The following ARHGAP22 variants were observed in gnomAD, a reference collection of about 807,000 sequenced individuals.
ARHGAP22 encodes the protein Rho GTPase activating protein 22.
Under a neutral mutation model 59.1 loss-of-function variants are expected in ARHGAP22, and 48 were observed. The observed-to-expected ratio is 0.81, with a 90% CI of 0.64 to 1.03. The LOEUF (loss-of-function observed/expected upper bound fraction) is 1.03. Among genes scored for constraint, ARHGAP22 ranks in the 50% least tolerant of loss-of-function variants. The pLI is 0.00. For missense variants in ARHGAP22, 1,015 were observed against 958.7 expected, an observed-to-expected ratio of 1.06 and a Z score of -0.78; for synonymous variants, 445 against 416.4, an observed-to-expected ratio of 1.07 and a Z score of -0.84.
At chr10:48,594,660 A>T (rs1369417449) in intron 1 of ARHGAP22, among the ~76,000 whole-genome samples, 1 of 152,010 alleles carries the variant, frequency 6.6e-6, no homozygotes, top group South Asian at 2.1e-4. Context: ...GGGCTACTGG[A>T]GCCTGTTTTG....
At chr10:48,519,292 C>T (rs914166863) in intron 3 of ARHGAP22, among the ~76,000 whole-genome samples, 2 of 152,252 alleles carry the variant, frequency 1.3e-5, no homozygotes, top group African/African-American at 4.8e-5. Context: ...AACAGCATTC[C>T]TGCCCAGGTC....
chr10:48,602,435 G>A (rs141831112), intron 1 of ARHGAP22, among the ~76,000 whole-genome samples: 1 of 151,744 alleles, frequency 6.6e-6, no homozygotes. Context: ...AAATATATAC[G>A]AGTTAAAAAC....
intron 3 of ARHGAP22, among the ~76,000 whole-genome samples, chr10:48,502,871 C>T (rs113964194): frequency 3.3e-5 from 5 of 152,220 alleles, no homozygotes; most frequent in Non-Finnish European, 7.3e-5. Flanking sequence ...GGCCCGGTAG[C>T]GGAGACAGGC....
chr10:48,442,598 G>A (rs1039781183), downstream of ARHGAP22, among the ~76,000 whole-genome samples: 2 of 145,904 alleles, frequency 1.4e-5, no homozygotes, highest in Non-Finnish European at 3.0e-5. Flanking sequence ...TGCTGACCCC[G>A]AGGCTCCCCA....
intron 2 of ARHGAP22, among the ~76,000 whole-genome samples, chr10:48,571,181 G>A (rs1189348770): frequency 1.3e-5 from 2 of 152,072 alleles, no homozygotes; most frequent in Non-Finnish European, 2.9e-5. Context: ...CTAATAGTCT[G>A]GCCTCTACTT....
intron 9 of ARHGAP22, among the ~76,000 whole-genome samples, chr10:48,447,506 G>A (rs752839378): frequency 1.3e-5 from 2 of 152,130 alleles, no homozygotes; most frequent in African/African-American, 2.4e-5. Flanking sequence ...GAATAAACAC[G>A]GATTCCTCAA....
intron 3 of ARHGAP22, among the ~76,000 whole-genome samples, chr10:48,497,915 C>G (rs9663505): frequency 0.054 from 8,271 of 152,176 alleles, 776 homozygotes; most frequent in African/African-American, 0.19. Context: ...TCCCAGCAGG[C>G]CTGAAGAGAT....
intron 2 of ARHGAP22, among the ~76,000 whole-genome samples, chr10:48,571,967 GC>G (rs2058422294): frequency 6.6e-6 from 1 of 152,086 alleles, no homozygotes; most frequent in Non-Finnish European, 1.5e-5. Flanking sequence ...AAACTCTAAG[GC>G]CCCCACCTGA....
chr10:48,609,962 G>A (rs1043965722), upstream of ARHGAP22, among the ~76,000 whole-genome samples: 11 of 152,232 alleles, frequency 7.2e-5, no homozygotes, highest in African/African-American at 2.7e-4. Flanking sequence ...TGGTGGCCTT[G>A]CCCTGCTTGT....
intron 1 of ARHGAP22, among the ~76,000 whole-genome samples, chr10:48,593,582 AGAT>A (rs2059893704): frequency 6.6e-6 from 1 of 152,266 alleles, no homozygotes. Context: ...CTGACAGCTG[AGAT>A]GGCTACTAAG....
intron 3 of ARHGAP22, among the ~76,000 whole-genome samples, chr10:48,496,721 G>A (rs977188031): frequency 6.6e-6 from 1 of 152,188 alleles, no homozygotes; most frequent in African/African-American, 2.4e-5. Context: ...AGGTAAGGAA[G>A]TCTGTACTGC....
chr10:48,645,083 T>C (rs1263682453), intron 1 of ARHGAP22, among the ~76,000 whole-genome samples: 1 of 151,994 alleles, frequency 6.6e-6, no homozygotes, highest in Non-Finnish European at 1.5e-5. Flanking sequence ...TAATATCAAC[T>C]CAACTGAAAT....
chr10:48,603,454 TTAA>T (rs141769062), intron 1 of ARHGAP22, among the ~76,000 whole-genome samples: 3,489 of 152,362 alleles, frequency 0.023, 117 homozygotes, highest in East Asian at 0.14. Flanking sequence ...AAAATAATTA[TTAA>T]TGAGATATTG....
At chr10:48,530,064 G>A (rs1413683721) in intron 3 of ARHGAP22, among the ~76,000 whole-genome samples, 3 of 151,758 alleles carry the variant, frequency 2.0e-5, no homozygotes, top group African/African-American at 7.3e-5. Context: ...TGGTGAAACC[G>A]CATCTCTACT....
intron 3 of ARHGAP22, among the ~76,000 whole-genome samples, chr10:48,546,190 C>T (rs1276745632): frequency 2.6e-5 from 4 of 152,212 alleles, no homozygotes; most frequent in Admixed American, 6.5e-5. Context: ...CCCGCTACTC[C>T]TGTGGCAGTG....
At chr10:48,461,265 G>T (rs956151468) in intron 4 of ARHGAP22, among the ~76,000 whole-genome samples, 1 of 152,140 alleles carries the variant, frequency 6.6e-6, no homozygotes, top group African/African-American at 2.4e-5. Flanking sequence ...CAGGTCAAAC[G>T]CATCTGTGCT....
intron 1 of ARHGAP22, among the ~76,000 whole-genome samples, chr10:48,599,232 G>A (rs970214492): frequency 4.6e-5 from 7 of 152,186 alleles, no homozygotes; most frequent in African/African-American, 1.7e-4. Context: ...ACCATGGACC[G>A]AGAAATGTTG....
rs911531553 is a variant in ARHGAP22 at position 48,525,498 on chromosome 10, G to A, written c.322+29965C>T. ...TGAGGCATGATAATCACTTGAACTC[G>A]GGAGACAGAGGTTGCAGTGAGCCGA... On this transcript the variant is annotated intron_variant, in intron 3 of 9. Transcript: ENST00000249601. Among the ~76,000 whole-genome samples, 4 of 152,326 alleles carry A rather than the reference G, an allele frequency of 2.6e-5. No homozygotes were observed. The South Asian group carries it at 8.3e-4, about 32-fold the overall frequency.
chr10:48,445,931 A>T (rs2045321494), downstream of ARHGAP22: 1 of 173,388 alleles, frequency 5.8e-6, no homozygotes, highest in South Asian at 1.4e-4. Context: ...TATTCCACCC[A>T]GGGGCATACC....
Sources: allele counts gnomAD v4.1 joint callset (sites outside exome capture counted in the v4.1 genomes callset), GRCh38; gene constraint gnomAD v4.1.1; transcripts MANE v1.5; gene names NCBI Gene and HGNC (gene_info 2026-07-23, HGNC 2026-07-21).